The following ABCC4 variants were observed in gnomAD, a reference collection of about 807,000 sequenced individuals.
ABCC4 encodes ATP-binding cassette sub-family C member 4.
Under a neutral mutation model 168.5 loss-of-function variants are expected in ABCC4, and 102 were observed. That is an observed-to-expected ratio of 0.61 (90% CI 0.52 to 0.71). The LOEUF is 0.71. ABCC4 is among the 30% of genes least tolerant of loss of function. The pLI is 0.00. For synonymous variants in ABCC4, 617 were observed against 590.7 expected (o/e 1.04, Z -0.65); for missense variants, 1,402 against 1,605.8 (o/e 0.87, Z 2.17).
intron 21 of ABCC4, among the ~76,000 whole-genome samples, chr13:95,077,472 G>A (rs1238908925): frequency 6.6e-6 from 1 of 152,102 alleles, no homozygotes; most frequent in East Asian, 1.9e-4. Flanking sequence ...CTGAGTAGCT[G>A]GAACTACAGG....
intron 25 of ABCC4, among the ~76,000 whole-genome samples, chr13:95,068,050 T>C (rs2033606610): frequency 6.6e-6 from 1 of 152,208 alleles, no homozygotes; most frequent in Admixed American, 6.5e-5. Context: ...TTTTTCCTAT[T>C]TGTTATAATG....
chr13:95,025,224 C>G, intron 30 of ABCC4, among the ~76,000 whole-genome samples: 1 of 38,498 alleles, frequency 2.6e-5, no homozygotes, highest in East Asian at 9.2e-4. Context: ...CACACACCCC[C>G]ACACACACCC....
At position 95,104,521 on chromosome 13, in the gene ABCC4, T is replaced by G. The variant is rs565579151; in HGVS notation, c.2535+11401A>C. ...AAGCTATTAGCACACAATCCTATTT[T>G]CCTCCAATTCTCATCTCCACCCCAT... is the stretch of plus-strand genomic sequence containing the variant. On this transcript the variant is annotated intron_variant, in intron 20 of 30. Coordinates refer to ENST00000645237, the MANE Select transcript of ABCC4 (RefSeq NM_005845.5). Among the ~76,000 whole-genome samples the G allele has an allele frequency of 8.5e-5, 13 of 152,366 alleles. No individual in the cohort carries two copies. In the South Asian group the frequency reaches 2.7e-3, roughly 32 times the overall value.
chr13:95,247,103 G>A lies in ABCC4; in HGVS notation c.186-8C>T, dbSNP rs1338803266. On this transcript the variant is annotated splice_polypyrimidine_tract_variant and splice_region_variant and intron_variant, in intron 2 of 30. Coordinates refer to ENST00000645237, the MANE Select transcript of ABCC4 (RefSeq NM_005845.5). ...ACTTCTTTATCCCAGAACCTACAAT[G>A]AGGAAAAAGCTTCGTAAATAAGAGT... is the stretch of plus-strand genomic sequence containing the variant. 6.2e-7 allele frequency: 1 copy of A among 1,606,974 alleles called. No individual in the cohort carries two copies. The highest frequency in any genetic ancestry group is 2.2e-5 in the East Asian group (1 of 44,862).
intron 2 of ABCC4, among the ~76,000 whole-genome samples, chr13:95,247,421 G>A (rs1376545599): frequency 1.3e-5 from 2 of 152,110 alleles, no homozygotes; most frequent in African/African-American, 2.4e-5. Context: ...GGCATCTCGG[G>A]CCTTTGGTGC....
At chr13:95,131,674 G>A (rs999917281) in intron 19 of ABCC4, among the ~76,000 whole-genome samples, 5 of 151,970 alleles carry the variant, frequency 3.3e-5, no homozygotes, top group African/African-American at 2.4e-5. Context: ...GATGTCAGGC[G>A]ACCTGGCACT....
chr13:95,186,788 C>T lies in ABCC4; in HGVS notation c.1458G>A (p.Ser486=), dbSNP rs11568670. Residue 486 remains serine, a synonymous_variant, in exon 11 of 31, where the codon TCG becomes TCA. Coordinates refer to ENST00000645237, the MANE Select transcript of ABCC4 (RefSeq NM_005845.5). ...ATAAAATATTACTCCTCAGAGTTCC[C>T]GAGAACACCCAGGGCTGCTGAGACA... ...AYVSQQPWVF[S]GTLRSNILFG... The T allele has an allele frequency of 1.3e-3, 2,130 of 1,614,094 alleles. 1 individual carries two copies. Among genetic ancestry groups the T allele is most frequent in the Non-Finnish European group, 1.6e-3 (1,928 of 1,180,006 alleles).
chr13:95,274,324 G>A (rs1253066227), intron 1 of ABCC4, among the ~76,000 whole-genome samples: 1 of 152,104 alleles, frequency 6.6e-6, no homozygotes, highest in Non-Finnish European at 1.5e-5. Flanking sequence ...CCTTCCCAGA[G>A]CTGGCCAGTT....
chr13:95,206,674 A>G lies in ABCC4; in HGVS notation c.1019T>C (p.Val340Ala). Residue 340 changes from valine to alanine, a missense_variant, in exon 8 of 31, where the codon GTG becomes GCG. Physicochemically the swap from Val to Ala is moderately conservative, Grantham distance 64. Coordinates refer to ENST00000645237, the MANE Select transcript of ABCC4 (RefSeq NM_005845.5). The stretch of plus-strand genomic sequence containing the variant: ...GGCTGTGATCACACTGCCGAGGAGC[A>G]CGTAGGTGGTGAAGGTCACAAACAC... ...IIVFVTFTTYVLLGSVITASR... is the reference protein window; with the variant it reads ...IIVFVTFTTYALLGSVITASR... 6.2e-7 allele frequency: 1 copy of G among 1,614,212 alleles called. No homozygotes were observed. The highest frequency in any genetic ancestry group is 8.5e-7 in the Non-Finnish European group (1 of 1,180,034).
At chr13:95,265,512 T>G (rs2040646053) in intron 1 of ABCC4, among the ~76,000 whole-genome samples, 1 of 152,168 alleles carries the variant, frequency 6.6e-6, no homozygotes. Flanking sequence ...GGCTCATGCC[T>G]GTAATCCCAA....
At chr13:95,176,436 A>G (rs1157527047) in intron 13 of ABCC4, among the ~76,000 whole-genome samples, 1 of 152,116 alleles carries the variant, frequency 6.6e-6, no homozygotes, top group Non-Finnish European at 1.5e-5. Flanking sequence ...TCGAGGCTGC[A>G]GTGAGCTGAG....
intron 8 of ABCC4, among the ~76,000 whole-genome samples, chr13:95,199,785 A>T (rs2038572400): frequency 6.6e-6 from 1 of 152,120 alleles, no homozygotes; most frequent in African/African-American, 2.4e-5. Context: ...GGTGAATTGA[A>T]AATATGTGGA....
In ABCC4 at chr13:95,289,788, G is replaced by A. The variant is rs150621674; in HGVS notation, c.74+11453C>T. Among the ~76,000 whole-genome samples the A allele has an allele frequency of 2.5e-3, 383 of 152,228 alleles. 1 individual carries two copies. Among genetic ancestry groups the A allele is most frequent in the African/African-American group, 8.8e-3 (367 of 41,552 alleles). ...TTGGGCTTCAGTGCCCATCAGAAAC[G>A]TAGAGAACCTTTTTAAAATATTGAT... On this transcript the variant is annotated intron_variant, in intron 1 of 30. Transcript: ENST00000645237.
intron 19 of ABCC4, among the ~76,000 whole-genome samples, chr13:95,127,926 T>C (rs1162315193): frequency 6.6e-6 from 1 of 152,192 alleles, no homozygotes; most frequent in Non-Finnish European, 1.5e-5. Flanking sequence ...CTTCAAAGGA[T>C]TTCAACATGC....
chr13:95,028,099 T>C (rs1043881538), intron 30 of ABCC4, among the ~76,000 whole-genome samples: 5 of 152,128 alleles, frequency 3.3e-5, no homozygotes, highest in Non-Finnish European at 5.9e-5. Context: ...ATATAATTCA[T>C]AGTGGAAACC....
intron 25 of ABCC4, among the ~76,000 whole-genome samples, chr13:95,064,293 TATATACAC>T (rs2033433978): frequency 9.6e-6 from 1 of 104,228 alleles, no homozygotes; most frequent in Non-Finnish European, 2.0e-5. Context: ...TATATATATA[TATATACAC>T]ACACACACAC....
chr13:95,289,875 T>A (rs541767028), intron 1 of ABCC4, among the ~76,000 whole-genome samples: 5 of 152,132 alleles, frequency 3.3e-5, no homozygotes, highest in African/African-American at 1.2e-4. Context: ...GGCTGACGGA[T>A]CACCTGAGGT....
intron 19 of ABCC4, among the ~76,000 whole-genome samples, chr13:95,132,245 T>G (rs558345680): frequency 2.3e-4 from 35 of 152,338 alleles, no homozygotes; most frequent in African/African-American, 6.7e-4. Context: ...AGACAGAGTC[T>G]CACTGTGTCG....
In ABCC4 at chr13:95,062,785, T is replaced by A; in HGVS notation, c.3285A>T (p.Glu1095Asp). The change falls in exon 26 of 31, where the codon GAA becomes GAT. Residue 1095 changes from glutamate to aspartate, a missense_variant. By Grantham distance (45) the Glu-to-Asp change is conservative. Transcript: ENST00000645237. ...AGATCTTATCAATCCAAATTTTACC[T>A]TCGGGTTCTGACAATCTAAAAAGGG... ...ISALFRLSEP[E>D]GKIWIDKILT... 1.2e-6 allele frequency: 2 copies of A among 1,613,968 alleles called. No individual in the cohort carries two copies. Among genetic ancestry groups the A allele is most frequent in the Non-Finnish European group, 1.7e-6 (2 of 1,179,962 alleles).
Sources: gnomAD v4.1 joint callset for allele counts (sites outside exome capture counted in the v4.1 genomes callset) on GRCh38, gnomAD v4.1.1 for gene constraint, MANE v1.5 for transcripts, NCBI Gene and HGNC (gene_info 2026-07-23, HGNC 2026-07-21) for gene names.